Variants in UBE2E1 observed in about 807,000 individuals in gnomAD.
UBE2E1 encodes the protein ubiquitin conjugating enzyme E2 E1, also known as ubiquitin-conjugating enzyme E2 E1.
A neutral mutation model predicts 21.4 loss-of-function variants in UBE2E1; 6 were observed. The ratio of observed to expected loss-of-function variants is 0.28; its 90% CI spans 0.15 to 0.55. The LOEUF (loss-of-function observed/expected upper bound fraction) is 0.55, where lower values mean the gene tolerates loss of function less well. Ranked by LOEUF, UBE2E1 falls within the 20% of genes least tolerant of loss-of-function variation. UBE2E1 has a pLI of 0.93. For synonymous variants in UBE2E1, 87 were observed against 82.7 expected (o/e 1.05, Z -0.28); for missense variants, 142 against 236.5 (o/e 0.60, Z 2.62).
At chr3:23,858,168 C>G (rs1167632320) in intron 3 of UBE2E1, among the ~76,000 whole-genome samples, 4 of 152,112 alleles carry the variant, frequency 2.6e-5, no homozygotes, top group African/African-American at 9.7e-5. Flanking sequence ...AAGCTGTTAC[C>G]TACAGTGTAA....
intron 3 of UBE2E1, among the ~76,000 whole-genome samples, chr3:23,882,714 A>T (rs1701078912): frequency 1.3e-5 from 2 of 152,240 alleles, no homozygotes; most frequent in South Asian, 4.2e-4. Flanking sequence ...CGAGAATTTG[A>T]GCCTGTTGCT....
intron 3 of UBE2E1, among the ~76,000 whole-genome samples, chr3:23,885,061 C>T (rs995051759): frequency 2.0e-5 from 3 of 152,178 alleles, no homozygotes; most frequent in East Asian, 3.8e-4. Context: ...GTTTATTTCT[C>T]ACAGTTCTGG....
intron 3 of UBE2E1, among the ~76,000 whole-genome samples, chr3:23,880,049 C>G (rs189709590): frequency 3.3e-5 from 5 of 152,158 alleles, no homozygotes; most frequent in African/African-American, 1.2e-4. Flanking sequence ...GAATTTGAGA[C>G]CAGCCTATGC....
intron 3 of UBE2E1, among the ~76,000 whole-genome samples, chr3:23,821,496 A>C (rs1194976342): frequency 6.6e-6 from 1 of 152,212 alleles, no homozygotes; most frequent in East Asian, 1.9e-4. Context: ...TGCATGGAAA[A>C]TAGCTGGGAG....
At chr3:23,811,592 T>C (rs1049229340) in intron 3 of UBE2E1, 82 bp downstream of exon 3, 17 of 1,305,672 alleles carry the variant, frequency 1.3e-5, no homozygotes, top group Non-Finnish European at 1.6e-5. Flanking sequence ...ATATACTTTT[T>C]CTTTGATTCT....
chr3:23,824,814 C>G (rs926182814), intron 3 of UBE2E1, among the ~76,000 whole-genome samples: 25 of 151,732 alleles, frequency 1.6e-4, no homozygotes, highest in Admixed American at 6.6e-5. Context: ...TTCCTGCTCC[C>G]TTAAGAAAAA....
chr3:23,855,825 G>A lies in UBE2E1; in HGVS notation c.204-31742G>A, dbSNP rs535512545. 1.0e-3 allele frequency among the ~76,000 whole-genome samples: 153 copies of A among 151,696 alleles called. 1 individual carries two copies. The highest frequency in any genetic ancestry group is 3.3e-3 in the African/African-American group (136 of 41,350). ...AGCCTGGGCGACAGAGTAAGACTCCGTCTCAAAAAAATAAAAATAAAAAAT... is the reference window on the plus strand; with the variant it reads ...AGCCTGGGCGACAGAGTAAGACTCCATCTCAAAAAAATAAAAATAAAAAAT... On this transcript the variant is annotated intron_variant, in intron 3 of 5. Coordinates refer to ENST00000306627, the MANE Select transcript of UBE2E1 (RefSeq NM_003341.5).
At chr3:23,807,205 T>G in intron 1 of UBE2E1, 32 bp from the exon 2 acceptor site, 1 of 1,534,906 alleles carries the variant, frequency 6.5e-7, no homozygotes, top group Non-Finnish European at 8.8e-7. Flanking sequence ...GCATGGTTTG[T>G]GTGTTTCTGT....
At chr3:23,878,242 A>G (rs1298235463) in intron 3 of UBE2E1, among the ~76,000 whole-genome samples, 1 of 152,176 alleles carries the variant, frequency 6.6e-6, no homozygotes. Flanking sequence ...CAACAAAACA[A>G]AGCTTCAGTA....
At chr3:23,858,332 T>C (rs1219084772) in intron 3 of UBE2E1, among the ~76,000 whole-genome samples, 1 of 152,154 alleles carries the variant, frequency 6.6e-6, no homozygotes, top group Non-Finnish European at 1.5e-5. Flanking sequence ...TTATTATTTG[T>C]TTTTTGAGAT....
intron 4 of UBE2E1, chr3:23,888,137 A>AG (rs1466593266): frequency 2.5e-5 from 11 of 442,108 alleles, no homozygotes; most frequent in African/African-American, 2.2e-4. Context: ...AAGGCAGGGC[A>AG]GGTCAGGGGG....
intron 3 of UBE2E1, among the ~76,000 whole-genome samples, chr3:23,839,416 A>G (rs550764297): frequency 2.0e-5 from 3 of 152,144 alleles, no homozygotes; most frequent in South Asian, 2.1e-4. Flanking sequence ...GTGAGCCAAG[A>G]TCACTCCACT....
chr3:23,841,107 T>C (rs953887538), intron 3 of UBE2E1, among the ~76,000 whole-genome samples: 2 of 152,230 alleles, frequency 1.3e-5, no homozygotes, highest in African/African-American at 4.8e-5. Context: ...TATACATCTA[T>C]AATGATATTA....
At position 23,836,222 on chromosome 3, in the gene UBE2E1, A is replaced by G. The variant is rs1699971653; in HGVS notation, c.203+24712A>G. ...AGTTTTTATAACTAAAGTTAATAGG[A>G]ATATCTAAAATGAATATCCAGCTAG... On this transcript the variant is annotated intron_variant, in intron 3 of 5. Transcript: ENST00000306627. The surrounding 1 kb of genome is among the most constrained non-coding windows in gnomAD (Gnocchi z 4.1). Among the ~76,000 whole-genome samples the G allele has an allele frequency of 6.6e-6, 1 of 152,256 alleles. No individual in the cohort carries two copies.
intron 3 of UBE2E1, among the ~76,000 whole-genome samples, chr3:23,838,689 G>GT: frequency 6.6e-6 from 1 of 152,154 alleles, no homozygotes; most frequent in African/African-American, 2.4e-5. Flanking sequence ...TAGAAATGGA[G>GT]TTTCACCATG....
At chr3:23,885,084 T>C (rs1393563372) in intron 3 of UBE2E1, among the ~76,000 whole-genome samples, 1 of 152,208 alleles carries the variant, frequency 6.6e-6, no homozygotes. Context: ...GCTAGAAATA[T>C]GAGATCAAGG....
At chr3:23,841,402 TCTCTA>T (rs1198425480) in intron 3 of UBE2E1, among the ~76,000 whole-genome samples, 5 of 152,180 alleles carry the variant, frequency 3.3e-5, no homozygotes, top group African/African-American at 1.2e-4. Context: ...TTTTTCTGTC[TCTCTA>T]CTCTTCTTAC....
At chr3:23,829,138 A>G (rs1267419689) in intron 3 of UBE2E1, among the ~76,000 whole-genome samples, 1 of 140,086 alleles carries the variant, frequency 7.1e-6, no homozygotes, top group African/African-American at 2.7e-5. Flanking sequence ...GAGGATTATT[A>G]TTATTATTAT....
At chr3:23,812,162 G>A (rs1311770022) in intron 3 of UBE2E1, among the ~76,000 whole-genome samples, 1 of 151,984 alleles carries the variant, frequency 6.6e-6, no homozygotes, top group Non-Finnish European at 1.5e-5. Flanking sequence ...ATTTAGAGAA[G>A]CCATTTTGCT....
Sources: gnomAD v4.1 joint callset for allele counts (sites outside exome capture counted in the v4.1 genomes callset) on GRCh38, gnomAD v4.1.1 for gene constraint, Gnocchi (gnomAD v3.1) non-coding constraint, MANE v1.5 for transcripts, NCBI Gene and HGNC (gene_info 2026-07-23, HGNC 2026-07-21) for gene names.